The following VGLL4 variants were observed in gnomAD, a reference collection of about 807,000 sequenced individuals.
The protein encoded by VGLL4 is vestigial like family member 4.
A neutral mutation model predicts 21.0 loss-of-function variants in VGLL4; 7 were observed. That is an observed-to-expected ratio of 0.33 (90% CI 0.19 to 0.63). The LOEUF is 0.63. VGLL4 is among the 20% of genes least tolerant of loss of function. VGLL4 has a pLI of 0.78. For synonymous variants in VGLL4, 222 were observed against 173.2 expected, an observed-to-expected ratio of 1.28 and a Z score of -2.21; for missense variants, 394 against 425.7, an observed-to-expected ratio of 0.93 and a Z score of 0.66.
At chr3:11,704,718 A>C (rs2076735206) in intron 1 of VGLL4, among the ~76,000 whole-genome samples, 1 of 152,218 alleles carries the variant, frequency 6.6e-6, no homozygotes, top group African/African-American at 2.4e-5. Flanking sequence ...CCGTGCCTTT[A>C]ATCTCCCGTT....
intron 1 of VGLL4, among the ~76,000 whole-genome samples, chr3:11,637,231 T>C (rs1481069787): frequency 6.6e-6 from 1 of 152,210 alleles, no homozygotes; most frequent in Non-Finnish European, 1.5e-5. Context: ...CACCGGGTTG[T>C]TCATTTCTCT....
chr3:11,652,843 C>T (rs576037813), intron 2 of VGLL4, among the ~76,000 whole-genome samples: 4 of 152,318 alleles, frequency 2.6e-5, no homozygotes, highest in Admixed American at 2.6e-4. Flanking sequence ...ACATGTTTGA[C>T]AATACAAATA....
intron 2 of VGLL4, among the ~76,000 whole-genome samples, chr3:11,658,039 C>T (rs1217283170): frequency 6.6e-6 from 1 of 152,084 alleles, no homozygotes; most frequent in Non-Finnish European, 1.5e-5. Flanking sequence ...AAAGGCGATC[C>T]TCCAACCTCT....
intron 1 of VGLL4, among the ~76,000 whole-genome samples, chr3:11,705,667 A>G (rs1181926759): frequency 6.6e-6 from 1 of 152,260 alleles, no homozygotes; most frequent in East Asian, 1.9e-4. Flanking sequence ...TCTTCACCCA[A>G]GCCAGCTTCC....
intron 3 of VGLL4, among the ~76,000 whole-genome samples, chr3:11,563,544 C>T (rs891588216): frequency 6.6e-6 from 1 of 152,230 alleles, no homozygotes. Context: ...TCCACACACA[C>T]GTCTCTGGCT....
Position 11,588,805 on chromosome 3 carries a change from C to T in VGLL4, c.272+13028G>A, listed in dbSNP as rs187454963. On this transcript the variant is annotated intron_variant, in intron 2 of 4. Transcript: ENST00000430365. ...ACAATGGAGCAGCTGATGGCAATTC[C>T]AGTGAGGCGGTGCTGAATTTAGGGC... 4.5e-3 allele frequency among the ~76,000 whole-genome samples: 680 copies of T among 152,324 alleles called. 5 individuals are homozygous for T. The highest frequency in any genetic ancestry group is 0.015 in the African/African-American group (623 of 41,576).
chr3:11,713,462 A>G (rs1006190852), intron 1 of VGLL4, among the ~76,000 whole-genome samples: 7 of 151,668 alleles, frequency 4.6e-5, no homozygotes, highest in African/African-American at 1.7e-4. Context: ...ACTTCTACAC[A>G]TGATCACTCC....
chr3:11,611,970 C>A (rs2075071727), intron 1 of VGLL4: 1 of 152,048 alleles, frequency 6.6e-6, no homozygotes, highest in South Asian at 2.1e-4. Flanking sequence ...ACTGATGATA[C>A]TGGTGCAGGA....
rs1298008457 is a variant in VGLL4, at chr3:11,671,237, G to A, written c.64+31734C>T. The A allele has an allele frequency of 2.0e-5, 31 of 1,558,876 alleles. No individual in the cohort carries two copies. In the Admixed American group the frequency reaches 5.6e-4, roughly 28 times the overall value. ...ATTAAGAAATGTCAATTAAGAAAAT[G>A]TGAAAATCAAAAGAACATTTTTACC... On this transcript the variant is annotated intron_variant, in intron 2 of 5. Coordinates refer to the VGLL4 transcript ENST00000273038.
In VGLL4 at chr3:11,706,811, C is replaced by G. The variant is rs573547802; in HGVS notation, c.-13-3764G>C. Among the ~76,000 whole-genome samples the G allele has an allele frequency of 2.6e-5, 4 of 152,264 alleles. No homozygotes were observed. In the South Asian group the frequency reaches 8.3e-4, roughly 32 times the overall value. ...AAGGCACAGGGGCAGGAATGAGCAC[C>G]TGGGACAGGTGGCCAGACCTGACTA... On this transcript the variant is annotated intron_variant, in intron 1 of 5. Transcript: ENST00000273038.
At position 11,643,419 on chromosome 3, in the gene VGLL4, C is replaced by T; in HGVS notation, c.82+18G>A. ...CCGGGACGAGCAACGGGCAGTAATT[C>T]TACAACGGGACATCTACCTTCGTAG... On this transcript the variant is annotated intron_variant, in intron 1 of 4. Transcript: ENST00000430365. The T allele has an allele frequency of 6.2e-7, 1 of 1,614,008 alleles. No homozygotes were observed. The highest frequency in any genetic ancestry group is 8.5e-7 in the Non-Finnish European group (1 of 1,179,880).
rs1250964730 is a variant in VGLL4, at chr3:11,565,597, T to C, written c.273-578A>G. ...AATCAGCTCAGACTCCCAGCTGACA[T>C]GTGGTGGCACGTGCTCTGGGGTTCC... is the stretch of plus-strand genomic sequence containing the variant. On this transcript the variant is annotated intron_variant, in intron 2 of 4. Coordinates refer to ENST00000430365, the MANE Select transcript of VGLL4 (RefSeq NM_001128219.3). The surrounding 1 kb of genome is among the most constrained non-coding windows in gnomAD (Gnocchi z 4.1). Among the ~76,000 whole-genome samples, 1 of 152,146 alleles carries C rather than the reference T, an allele frequency of 6.6e-6. No homozygotes were observed. The highest frequency in any genetic ancestry group is 1.5e-5 in the Non-Finnish European group (1 of 68,022).
rs185321911 is a variant in VGLL4 at position 11,618,707 on chromosome 3, T to C, written c.83-16685A>G. On this transcript the variant is annotated intron_variant, in intron 1 of 4. Transcript: ENST00000430365. ...ATAATAAAGTAAAAAAGTCATAGAA[T>C]TTAACCTGAAAACAAATATTCCATT... Among the ~76,000 whole-genome samples the C allele has an allele frequency of 1.2e-4, 18 of 152,316 alleles. No homozygotes were observed. The East Asian group carries it at 3.3e-3, about 28-fold the overall frequency.
At chr3:11,718,051 T>C (rs1231321637) in intron 1 of VGLL4, among the ~76,000 whole-genome samples, 1 of 152,244 alleles carries the variant, frequency 6.6e-6, no homozygotes, top group Non-Finnish European at 1.5e-5. Context: ...AGCAGAATTA[T>C]CTTCTTAATT....
chr3:11,696,885 G>C (rs1325725172), intron 2 of VGLL4, among the ~76,000 whole-genome samples: 10 of 152,118 alleles, frequency 6.6e-5, no homozygotes. Context: ...ACCCCGCCGG[G>C]TATGTGCCAC....
chr3:11,585,760 T>G (rs1042937742), intron 2 of VGLL4, among the ~76,000 whole-genome samples: 7 of 152,244 alleles, frequency 4.6e-5, no homozygotes, highest in Admixed American at 3.3e-4. Flanking sequence ...TCTCGCCATC[T>G]TGCATTCCAA....
At chr3:11,616,737 T>C (rs2075170286) in intron 1 of VGLL4, among the ~76,000 whole-genome samples, 2 of 152,224 alleles carry the variant, frequency 1.3e-5, no homozygotes, top group South Asian at 2.1e-4. Context: ...GTGAAAGGCA[T>C]TGTTGTGCCT....
At chr3:11,668,008 C>G (rs2076152693) in intron 2 of VGLL4, among the ~76,000 whole-genome samples, 1 of 151,738 alleles carries the variant, frequency 6.6e-6, no homozygotes, top group African/African-American at 2.4e-5. Context: ...CACACACCAC[C>G]ACGCCTGGCT....
intron 2 of VGLL4, among the ~76,000 whole-genome samples, chr3:11,590,008 C>T (rs1049618852): frequency 6.6e-6 from 1 of 152,182 alleles, no homozygotes; most frequent in Admixed American, 6.5e-5. Context: ...AGAAACTCGG[C>T]TAAACAGTGT....
Sources: allele counts gnomAD v4.1 joint callset (sites outside exome capture counted in the v4.1 genomes callset), GRCh38; gene constraint gnomAD v4.1.1; non-coding constraint Gnocchi (gnomAD v3.1); transcripts MANE v1.5; gene names NCBI Gene and HGNC (gene_info 2026-07-23, HGNC 2026-07-21).